HTR1D: variants seen among roughly 807,000 people sequenced by gnomAD.
The protein encoded by HTR1D is 5-hydroxytryptamine receptor 1D.
HTR1D carries 18 observed loss-of-function variants against 21.1 expected under a neutral mutation model. The observed-to-expected ratio is 0.85, with a 90% CI of 0.59 to 1.27. The LOEUF (loss-of-function observed/expected upper bound fraction) is 1.27, where lower values mean the gene tolerates loss of function less well. HTR1D is among the 50% of genes most tolerant of loss of function. The pLI is 0.00. For synonymous variants in HTR1D, 196 were observed against 204.4 expected, an observed-to-expected ratio of 0.96 and a Z score of 0.35; for missense variants, 456 against 481.4, an observed-to-expected ratio of 0.95 and a Z score of 0.49.
chr1:23,203,126 C>T (rs1188845992), intron 1 of HTR1D, among the ~76,000 whole-genome samples: 1 of 152,060 alleles, frequency 6.6e-6, no homozygotes, highest in Non-Finnish European at 1.5e-5. Flanking sequence ...TCTCGAACTA[C>T]TGACCTCAGG....
chr1:23,208,154 G>A (rs890927402), intron 1 of HTR1D, among the ~76,000 whole-genome samples: 6 of 152,216 alleles, frequency 3.9e-5, no homozygotes, highest in African/African-American at 1.4e-4. Flanking sequence ...ATCTGGCCAG[G>A]CACGGTGGCT....
At chr1:23,203,401 T>C (rs1055636378) in intron 1 of HTR1D, among the ~76,000 whole-genome samples, 4 of 152,218 alleles carry the variant, frequency 2.6e-5, no homozygotes, top group Admixed American at 1.3e-4. Context: ...GGCTCACGCC[T>C]GTAATCCCAG....
At chr1:23,200,696 A>G (rs1030641343) in intron 1 of HTR1D, among the ~76,000 whole-genome samples, 5 of 152,180 alleles carry the variant, frequency 3.3e-5, no homozygotes, top group Non-Finnish European at 7.3e-5. Context: ...GGTGACCACA[A>G]ATGTGACTTC....
At position 23,193,893 on chromosome 1, in the gene HTR1D, G is replaced by A. The variant is rs1454906409; in HGVS notation, c.327C>T (p.Ile109=). Reference sequence around the variant, plus strand: ...CAGAGGACAGCCAGATGTCACACAAGATTTGGCCAAAGTTCCAGGTGTGGG... The same window carrying A: ...CAGAGGACAGCCAGATGTCACACAAAATTTGGCCAAAGTTCCAGGTGTGGG... The part of the protein sequence containing the change: ...TITHTWNFGQ[I]LCDIWLSSDI... Residue 109 remains isoleucine (I), a synonymous_variant, in exon 2 of 2, where the codon ATC becomes ATT. Coordinates refer to ENST00000374619, the MANE Select transcript of HTR1D (RefSeq NM_000864.5). The A allele has an allele frequency of 6.2e-7, 1 of 1,614,114 alleles. No individual in the cohort carries two copies. The highest frequency in any genetic ancestry group is 1.3e-5 in the African/African-American group (1 of 74,942).
intron 1 of HTR1D, among the ~76,000 whole-genome samples, chr1:23,201,890 C>T (rs1644710491): frequency 6.6e-6 from 1 of 152,024 alleles, no homozygotes. Context: ...ACCAACCAAT[C>T]CCTACTGTGG....
rs115253591 is a variant in HTR1D, at chr1:23,195,784, T to C, written c.-782-783A>G. On this transcript the variant is annotated intron_variant, in intron 1 of 1. Coordinates refer to ENST00000374619, the MANE Select transcript of HTR1D (RefSeq NM_000864.5). ...TCCTATGTACCTTTTCTTCTGGTTG[T>C]TCATTTGAATCCTATATAATAAACC... Among the ~76,000 whole-genome samples the C allele has an allele frequency of 2.5e-3, 386 of 152,214 alleles. 2 individuals carry two copies. Among genetic ancestry groups the C allele is most frequent in the African/African-American group, 9.0e-3 (372 of 41,536 alleles).
intron 1 of HTR1D, among the ~76,000 whole-genome samples, chr1:23,198,365 CAAAAAAAA>C (rs58589973): frequency 8.0e-5 from 7 of 87,508 alleles, no homozygotes; most frequent in Non-Finnish European, 1.3e-4. Flanking sequence ...GACTCCGTCT[CAAAAAAAA>C]AAAAAAAAAA....
intron 1 of HTR1D, among the ~76,000 whole-genome samples, chr1:23,195,705 G>A (rs1369537850): frequency 6.6e-6 from 1 of 152,116 alleles, no homozygotes; most frequent in African/African-American, 2.4e-5. Context: ...CAAAGTGCTG[G>A]GATTACAGGC....
At chr1:23,208,245 A>G (rs1218543087) in intron 1 of HTR1D, among the ~76,000 whole-genome samples, 2 of 152,186 alleles carry the variant, frequency 1.3e-5, no homozygotes, top group African/African-American at 4.8e-5. Flanking sequence ...CCTGGGCAAC[A>G]TGGCAAAAGC....
In HTR1D at chr1:23,202,625, G is replaced by A. The variant is rs1459503199; in HGVS notation, c.-782-7624C>T. 2.6e-5 allele frequency among the ~76,000 whole-genome samples: 4 copies of A among 152,262 alleles called. No homozygotes were observed. In the East Asian group the frequency reaches 7.7e-4, roughly 29 times the overall value. ...ATAAGGCTCTGTGATAAAAAGATTT[G>A]TTGCAGTAGAATACATCCCCCACAC... On this transcript the variant is annotated intron_variant, in intron 1 of 1. Transcript: ENST00000374619.
intron 1 of HTR1D, among the ~76,000 whole-genome samples, chr1:23,203,657 A>C (rs1644718403): frequency 6.6e-6 from 1 of 152,134 alleles, no homozygotes; most frequent in African/African-American, 2.4e-5. Context: ...CCCCTGTCTT[A>C]AAACAAACAA....
At chr1:23,197,049 A>G (rs534955350) in intron 1 of HTR1D, among the ~76,000 whole-genome samples, 8 of 152,226 alleles carry the variant, frequency 5.3e-5, no homozygotes, top group Middle Eastern at 3.4e-3. Flanking sequence ...GAGGTGCGTC[A>G]TTTCCCAAGG....
In HTR1D at chr1:23,193,094, C is replaced by T. The variant is rs750297729; in HGVS notation, c.1126G>A (p.Ala376Thr). 7 of 1,605,090 alleles carry T rather than the reference C, an allele frequency of 4.4e-6. No homozygotes were observed. The highest frequency in any genetic ancestry group is 5.1e-6 in the Non-Finnish European group (6 of 1,174,936). ...AFQKIVPFRKAS is the reference protein window; with the variant it reads ...AFQKIVPFRKTS ...GTCATCACCGAATAAGACTAGGAGG[C>T]CTTCCGGAAAGGGACAATTTTCTGA... Residue 376 changes from alanine to threonine, a missense_variant, in exon 2 of 2, where the codon GCC becomes ACC. Physicochemically the swap from Ala to Thr is moderately conservative, Grantham distance 58 (BLOSUM62 0). Transcript: ENST00000374619.
intron 1 of HTR1D, among the ~76,000 whole-genome samples, chr1:23,201,100 G>C (rs1262048855): frequency 1.3e-5 from 2 of 152,194 alleles, no homozygotes; most frequent in Non-Finnish European, 2.9e-5. Flanking sequence ...GATTGGACCA[G>C]GGTGGACATG....
intron 1 of HTR1D, among the ~76,000 whole-genome samples, chr1:23,201,850 G>A (rs964185934): frequency 5.3e-5 from 8 of 152,032 alleles, no homozygotes; most frequent in Admixed American, 3.3e-4. Flanking sequence ...ACTGTGCCCA[G>A]CCAAGACAGG....
rs1305506409 is a variant in HTR1D at position 23,193,982 on chromosome 1, G to A, written c.238C>T (p.Leu80=). 4.3e-6 allele frequency: 7 copies of A among 1,614,006 alleles called. No individual in the cohort carries two copies. The Admixed American group carries it at 1.0e-4, about 23-fold the overall frequency. ...GAAACCAAGAGGTCGGTGGTGGCCA[G>A]GGAGCCAATCAGGTAGTTGGCAGGG... ...HTPANYLIGS[L]ATTDLLVSIL... is the part of the protein sequence containing the mutation. Residue 80 remains leucine (L), a synonymous_variant, in exon 2 of 2, where the codon CTG becomes TTG. Transcript: ENST00000374619.
At position 23,193,858 on chromosome 1, in the gene HTR1D, C is replaced by G; in HGVS notation, c.362G>C (p.Cys121Ser). The G allele has an allele frequency of 1.2e-6, 2 of 1,614,184 alleles. No individual in the cohort carries two copies. The highest frequency in any genetic ancestry group is 1.7e-6 in the Non-Finnish European group (2 of 1,180,040). ...CDIWLSSDIT[C>S]CTASILHLCV... Reference sequence around the variant, plus strand: ...GAGATGCAGGATGGAGGCTGTGCAGCACGTGATGTCAGAGGACAGCCAGAT... The same window carrying G: ...GAGATGCAGGATGGAGGCTGTGCAGGACGTGATGTCAGAGGACAGCCAGAT... Residue 121 changes from cysteine to serine, a missense_variant, in exon 2 of 2, where the codon TGC becomes TCC. Transcript: ENST00000374619.
At chr1:23,207,024 C>T (rs1239186072) in intron 1 of HTR1D, among the ~76,000 whole-genome samples, 1 of 152,138 alleles carries the variant, frequency 6.6e-6, no homozygotes, top group Non-Finnish European at 1.5e-5. Flanking sequence ...CTCAGTTTCT[C>T]CAACTTGAAA....
chr1:23,193,860 C>A lies in HTR1D; in HGVS notation c.360G>T (p.Thr120=). ...GATGCAGGATGGAGGCTGTGCAGCA[C>A]GTGATGTCAGAGGACAGCCAGATGT... ...LCDIWLSSDI[T]CCTASILHLC... is the part of the protein sequence containing the mutation. Residue 120 remains threonine (T), a synonymous_variant, in exon 2 of 2, where the codon ACG becomes ACT. Coordinates refer to ENST00000374619, the MANE Select transcript of HTR1D (RefSeq NM_000864.5). 6.2e-7 allele frequency: 1 copy of A among 1,614,158 alleles called. No individual in the cohort carries two copies. The highest frequency in any genetic ancestry group is 1.1e-5 in the South Asian group (1 of 91,084).
Sources: allele counts gnomAD v4.1 joint callset (sites outside exome capture counted in the v4.1 genomes callset), GRCh38; gene constraint gnomAD v4.1.1; transcripts MANE v1.5; gene names NCBI Gene and HGNC (gene_info 2026-07-23, HGNC 2026-07-21).